Variants in EFHC1 observed in about 807,000 individuals in gnomAD.
The protein encoded by EFHC1 is EF-hand domain containing 1.
A neutral mutation model predicts 69.9 loss-of-function variants in EFHC1; 53 were observed. The ratio of observed to expected loss-of-function variants is 0.76; its 90% CI spans 0.61 to 0.95. EFHC1 has a LOEUF of 0.95. Ranked by LOEUF, EFHC1 falls within the 40% of genes least tolerant of loss-of-function variation. The pLI is 0.00. For synonymous variants in EFHC1, 256 were observed against 278.4 expected, an observed-to-expected ratio of 0.92 and a Z score of 0.80; for missense variants, 739 against 798.7, an observed-to-expected ratio of 0.93 and a Z score of 0.90.
Position 52,494,320 on chromosome 6 carries a change from C to T in EFHC1, c.*1979C>T, listed in dbSNP as rs1765990882. The T allele has an allele frequency of 2.2e-6, 1 of 454,022 alleles. No individual in the cohort carries two copies. Among genetic ancestry groups the T allele is most frequent in the Non-Finnish European group, 4.4e-6 (1 of 226,804 alleles). The allele number at this position is 454,022 out of a possible 1,614,324, so 28.1% of individuals were successfully genotyped here. Reference sequence around the variant, plus strand: ...GGCCCAGCTCAGTCCTTCCCCCAGGCTTAGAAGCCTGTGGTAAAGAGTGTG... The same window carrying T: ...GGCCCAGCTCAGTCCTTCCCCCAGGTTTAGAAGCCTGTGGTAAAGAGTGTG... On this transcript the variant is annotated 3_prime_UTR_variant, in exon 11 of 11. Transcript: ENST00000371068.
Position 52,469,425 on chromosome 6 carries a change from T to TA in EFHC1, c.1234dup (p.Met412AsnfsTer5). 1 of 1,614,062 alleles carries TA rather than the reference T, an allele frequency of 6.2e-7. No homozygotes were observed. The highest frequency in any genetic ancestry group is 2.2e-5 in the East Asian group (1 of 44,856). ...CAAAAGCTCCAAAAAAAGACGTTAT[T>TA]AAAATGCTGGTGAATGATAACAAGG... On this transcript the variant is annotated frameshift_variant, in exon 7 of 11. Transcript: ENST00000371068. LOFTEE classifies it high-confidence loss of function.
intron 7 of EFHC1, among the ~76,000 whole-genome samples, chr6:52,477,397 G>A (rs1765566798): frequency 6.6e-6 from 1 of 152,140 alleles, no homozygotes; most frequent in African/African-American, 2.4e-5. Context: ...ATGAGAAGAT[G>A]TGCTACAGTT....
chr6:52,478,916 A>G, intron 7 of EFHC1, 121 bp from the exon 8 acceptor site: 1 of 924,924 alleles, frequency 1.1e-6, no homozygotes, highest in Admixed American at 2.0e-5. Flanking sequence ...TGGTTTGTTT[A>G]TATTGTAAAA....
intron 4 of EFHC1, chr6:52,453,077 C>G (rs1435783217): frequency 2.7e-6 from 4 of 1,484,526 alleles, no homozygotes; most frequent in Non-Finnish European, 2.7e-6. Context: ...GTGAACCTCA[C>G]CAAACATTTA....
chr6:52,421,342 AGATTTTG>A (rs1764187134), intron 1 of EFHC1, among the ~76,000 whole-genome samples: 1 of 151,758 alleles, frequency 6.6e-6, no homozygotes, highest in Non-Finnish European at 1.5e-5. Context: ...ATTCCTGTTT[AGATTTTG>A]TTTTGCTCCT....
At position 52,492,664 on chromosome 6, in the gene EFHC1, G is replaced by C; in HGVS notation, c.*323G>C. On this transcript the variant is annotated 3_prime_UTR_variant, in exon 11 of 11. Coordinates refer to ENST00000371068, the MANE Select transcript of EFHC1 (RefSeq NM_018100.4). ...GGATCTCACTCTGTCATACAGGCTG[G>C]AGTGTGGTGGCACTATCCTAGTTCT... The C allele has an allele frequency of 2.2e-6, 1 of 464,130 alleles. No homozygotes were observed. The highest frequency in any genetic ancestry group is 1.6e-5 in the South Asian group (1 of 63,122). 28.8% of individuals were successfully genotyped at this position (464,130 alleles called of 1,614,324 possible).
intron 1 of EFHC1, among the ~76,000 whole-genome samples, chr6:52,423,185 C>T (rs563844312): frequency 6.6e-6 from 1 of 152,208 alleles, no homozygotes; most frequent in Non-Finnish European, 1.5e-5. Flanking sequence ...GAATGTATCA[C>T]TGTCATTGTG....
In EFHC1 at chr6:52,494,373, C is replaced by A. The variant is rs1200315963; in HGVS notation, c.*2032C>A. 2.2e-6 allele frequency: 1 copy of A among 454,094 alleles called. No individual in the cohort carries two copies. Among genetic ancestry groups the A allele is most frequent in the Non-Finnish European group, 4.4e-6 (1 of 226,780 alleles). The allele number at this position is 454,094 out of a possible 1,614,324, so 28.1% of individuals were successfully genotyped here. On this transcript the variant is annotated 3_prime_UTR_variant, in exon 11 of 11. Transcript: ENST00000371068. ...TATACTGGGGTGATGATAGTGGTTT[C>A]TTCTTACTCCCTTCTTTCTGTCTTC...
chr6:52,420,957 T>C lies in EFHC1; in HGVS notation c.63+484T>C, dbSNP rs1355896377. On this transcript the variant is annotated intron_variant, in intron 1 of 10. Transcript: ENST00000371068. ...CAACCTCATTCCCACAGGTCCGTCA[T>C]TCCCGCCCCACCTCTTCCTCTTCTG... 3.9e-6 allele frequency: 4 copies of C among 1,021,618 alleles called. No homozygotes were observed. The East Asian group carries it at 2.3e-4, about 60-fold the overall frequency. The allele number at this position is 1,021,618 out of a possible 1,614,324, so 63.3% of individuals were successfully genotyped here.
At position 52,434,376 on chromosome 6, in the gene EFHC1, C is replaced by T. The variant is rs374749563; in HGVS notation, c.286-3928C>T. On this transcript the variant is annotated intron_variant, in intron 2 of 10. Coordinates refer to ENST00000371068, the MANE Select transcript of EFHC1 (RefSeq NM_018100.4). ...CTTTTCCCGCTGCTTCCTCTACCCCCGTATTTCACTCGCCTCTCTGAATTG... is the reference window on the plus strand; with the variant it reads ...CTTTTCCCGCTGCTTCCTCTACCCCTGTATTTCACTCGCCTCTCTGAATTG... Among the ~76,000 whole-genome samples, 318 of 152,260 alleles carry T rather than the reference C, an allele frequency of 2.1e-3. 3 individuals are homozygous for T. Among genetic ancestry groups the T allele is most frequent in the African/African-American group, 7.5e-3 (310 of 41,540 alleles).
intron 4 of EFHC1, 144 bp downstream of exon 4, chr6:52,452,981 C>G: frequency 6.4e-7 from 1 of 1,571,290 alleles, no homozygotes; most frequent in Non-Finnish European, 8.6e-7. Context: ...TACTGTCTTT[C>G]TGCTTTCATC....
chr6:52,454,983 T>C (rs1295758996), intron 5 of EFHC1, among the ~76,000 whole-genome samples: 17 of 151,992 alleles, frequency 1.1e-4, no homozygotes, highest in African/African-American at 1.7e-4. Context: ...TCCCAGCTAC[T>C]TGGGAGGCTG....
intron 4 of EFHC1, chr6:52,453,060 T>C (rs1293471973): frequency 2.0e-6 from 3 of 1,504,568 alleles, no homozygotes; most frequent in Non-Finnish European, 8.9e-7. Flanking sequence ...AGTTGCGGAG[T>C]TGTTTTGTGA....
chr6:52,478,051 A>G (rs1765581612), intron 7 of EFHC1, among the ~76,000 whole-genome samples: 1 of 152,212 alleles, frequency 6.6e-6, no homozygotes, highest in African/African-American at 2.4e-5. Flanking sequence ...GATAGACTGG[A>G]TTAAGAAAAT....
At chr6:52,453,971 C>T (rs979630325) in intron 4 of EFHC1, 124 bp from the exon 5 acceptor site, 1 of 1,565,282 alleles carries the variant, frequency 6.4e-7, no homozygotes, top group African/African-American at 1.4e-5. Context: ...CAATTTACCC[C>T]ATCTGAAATT....
chr6:52,459,927 G>A (rs1408253867), intron 5 of EFHC1, among the ~76,000 whole-genome samples: 1 of 152,142 alleles, frequency 6.6e-6, no homozygotes, highest in African/African-American at 2.4e-5. Context: ...ACCCGCCTCG[G>A]CCTCCCAAAG....
chr6:52,490,393 C>T, intron 10 of EFHC1, 43 bp downstream of exon 10: 1 of 1,548,722 alleles, frequency 6.5e-7, no homozygotes, highest in Non-Finnish European at 8.9e-7. Flanking sequence ...AGAGGCTAGG[C>T]ACTGATCATT....
At chr6:52,424,817 G>T (rs552793871) in intron 2 of EFHC1, among the ~76,000 whole-genome samples, 23 of 152,204 alleles carry the variant, frequency 1.5e-4, no homozygotes, top group Admixed American at 2.6e-4. Flanking sequence ...CCATGTAGCA[G>T]AATCACTGGC....
At chr6:52,437,191 C>T (rs902309220) in intron 2 of EFHC1, among the ~76,000 whole-genome samples, 2 of 152,062 alleles carry the variant, frequency 1.3e-5, no homozygotes, top group South Asian at 2.1e-4. Context: ...TAATAATGAA[C>T]GTAATTAATA....
Sources: allele counts gnomAD v4.1 joint callset (sites outside exome capture counted in the v4.1 genomes callset), GRCh38; gene constraint gnomAD v4.1.1; transcripts MANE v1.5; gene names NCBI Gene and HGNC (gene_info 2026-07-23, HGNC 2026-07-21).